CADM2: variants seen among roughly 807,000 people sequenced by gnomAD.
The protein encoded by CADM2 is cell adhesion molecule 2.
Under a neutral mutation model 49.8 loss-of-function variants are expected in CADM2, and 12 were observed. The observed-to-expected ratio is 0.24, with a 90% confidence interval of 0.15 to 0.39. The LOEUF is 0.39. CADM2 is among the 10% of genes least tolerant of loss of function. The pLI, the probability that CADM2 is intolerant of heterozygous loss-of-function variation, is 1.00. For synonymous variants in CADM2, 214 were observed against 175.4 expected, an observed-to-expected ratio of 1.22 and a Z score of -1.74; for missense variants, 378 against 492.3, an observed-to-expected ratio of 0.77 and a Z score of 2.20.
intron 1 of CADM2, among the ~76,000 whole-genome samples, chr3:85,500,719 G>A (rs749467134): frequency 2.0e-5 from 3 of 151,904 alleles, no homozygotes; most frequent in Non-Finnish European, 2.9e-5. Context: ...AGGTTTCCCC[G>A]TGTTAGCCAG....
chr3:85,862,687 C>T (rs1264388296), intron 3 of CADM2, among the ~76,000 whole-genome samples: 6 of 151,988 alleles, frequency 3.9e-5, no homozygotes, highest in Admixed American at 1.3e-4. Context: ...ACTACTCTTA[C>T]TAGATTATTT....
In CADM2 at chr3:85,330,328, C is replaced by T. The variant is rs72903236; in HGVS notation, c.61+370660C>T. On this transcript the variant is annotated intron_variant, in intron 1 of 9. Transcript: ENST00000383699. ...TTTGAACTCTCATAGCACTTATCAC[C>T]TCTACCATTAATATCACACTTTTTT... Among the ~76,000 whole-genome samples the T allele has an allele frequency of 5.6e-3, 850 of 152,226 alleles. 8 individuals are homozygous for T. The highest frequency in any genetic ancestry group is 0.019 in the African/African-American group (797 of 41,538).
At chr3:85,406,683 C>A (rs929794892) in intron 1 of CADM2, among the ~76,000 whole-genome samples, 8 of 152,154 alleles carry the variant, frequency 5.3e-5, no homozygotes, top group Non-Finnish European at 1.0e-4. Flanking sequence ...ACCCTCTCCA[C>A]CTCTTGACGT....
intron 1 of CADM2, among the ~76,000 whole-genome samples, chr3:85,511,336 T>G (rs892533543): frequency 3.3e-5 from 5 of 152,142 alleles, no homozygotes; most frequent in African/African-American, 1.2e-4. Context: ...ACCACAGACC[T>G]ATACTTGTGC....
intron 1 of CADM2, among the ~76,000 whole-genome samples, chr3:85,624,127 C>A (rs2064054392): frequency 6.6e-6 from 1 of 151,916 alleles, no homozygotes; most frequent in Non-Finnish European, 1.5e-5. Flanking sequence ...ATTCATATAA[C>A]CATATAGAGA....
At chr3:85,200,222 G>A (rs902341971) in intron 1 of CADM2, among the ~76,000 whole-genome samples, 4 of 151,946 alleles carry the variant, frequency 2.6e-5, no homozygotes, top group Admixed American at 6.6e-5. Context: ...TTTAAGAAAG[G>A]TACATAGATT....
chr3:85,170,812 G>C (rs1267638116), intron 1 of CADM2, among the ~76,000 whole-genome samples: 1 of 152,194 alleles, frequency 6.6e-6, no homozygotes, highest in Admixed American at 6.5e-5. Flanking sequence ...TAACTTGGTT[G>C]TGAGAGTCTT....
chr3:85,707,527 T>G (rs1277378718), intron 1 of CADM2, among the ~76,000 whole-genome samples: 1 of 152,022 alleles, frequency 6.6e-6, no homozygotes, highest in East Asian at 1.9e-4. Context: ...CTTGTTTAAT[T>G]GCTTTTTCTT....
chr3:85,479,443 TG>T (rs11284355), intron 1 of CADM2, among the ~76,000 whole-genome samples: 77,823 of 151,514 alleles, frequency 0.51, 22,904 homozygotes, highest in East Asian at 0.82. Flanking sequence ...ACTTTAAAGA[TG>T]GGTATTTCCT....
chr3:84,965,881 T>C (rs1366616514), intron 1 of CADM2, among the ~76,000 whole-genome samples: 1 of 152,204 alleles, frequency 6.6e-6, no homozygotes, highest in East Asian at 1.9e-4. Context: ...GTCACATCAA[T>C]AGAGAATGTT....
intron 8 of CADM2, among the ~76,000 whole-genome samples, chr3:86,028,817 G>T (rs901568745): frequency 6.6e-6 from 1 of 152,140 alleles, no homozygotes; most frequent in Admixed American, 6.6e-5. Flanking sequence ...GTAAAATGAG[G>T]TGATAATACC....
chr3:86,011,064 A>T (rs1731445443), intron 8 of CADM2, among the ~76,000 whole-genome samples: 1 of 152,042 alleles, frequency 6.6e-6, no homozygotes, highest in African/African-American at 2.4e-5. Flanking sequence ...AAACTGATCC[A>T]TTTTAAAACT....
intron 1 of CADM2, among the ~76,000 whole-genome samples, chr3:85,098,452 A>C (rs2107538699): frequency 6.6e-6 from 1 of 152,236 alleles, no homozygotes. Flanking sequence ...TTTGAACCTT[A>C]GTTTCAAAAT....
intron 1 of CADM2, among the ~76,000 whole-genome samples, chr3:85,493,179 A>G (rs546713868): frequency 2.4e-4 from 36 of 152,294 alleles, no homozygotes; most frequent in Middle Eastern, 3.4e-3. Flanking sequence ...ATATAATGAA[A>G]ACAGAATAAA....
At chr3:85,603,908 T>G (rs2063484482) in intron 1 of CADM2, among the ~76,000 whole-genome samples, 1 of 151,960 alleles carries the variant, frequency 6.6e-6, no homozygotes. Context: ...TCCTTTAAAG[T>G]ATTTTAAAGC....
At chr3:85,100,508 T>C (rs1355924981) in intron 1 of CADM2, among the ~76,000 whole-genome samples, 2 of 152,208 alleles carry the variant, frequency 1.3e-5, no homozygotes, top group African/African-American at 2.4e-5. Context: ...GTGTGGTAGA[T>C]TAGAAAGTTG....
chr3:85,037,966 G>C (rs114425755), intron 1 of CADM2, among the ~76,000 whole-genome samples: 1,741 of 150,682 alleles, frequency 0.012, 37 homozygotes, highest in African/African-American at 0.04. Flanking sequence ...ACTGGTGGCC[G>C]GAAAACTAAA....
intron 1 of CADM2, among the ~76,000 whole-genome samples, chr3:85,625,275 T>A (rs1015590944): frequency 6.6e-6 from 1 of 152,122 alleles, no homozygotes; most frequent in Non-Finnish European, 1.5e-5. Context: ...GCATATTATT[T>A]CCTCTAGTAT....
At chr3:85,402,498 T>A (rs2035163918) in intron 1 of CADM2, among the ~76,000 whole-genome samples, 1 of 152,144 alleles carries the variant, frequency 6.6e-6, no homozygotes, top group African/African-American at 2.4e-5. Context: ...TTGTTCTCCA[T>A]ATTTTATTTT....
Sources: allele counts gnomAD v4.1 joint callset (sites outside exome capture counted in the v4.1 genomes callset), GRCh38; gene constraint gnomAD v4.1.1; transcripts MANE v1.5; gene names NCBI Gene and HGNC (gene_info 2026-07-23, HGNC 2026-07-21).